DOCK4: variants seen among roughly 807,000 people sequenced by gnomAD.
DOCK4 encodes dedicator of cytokinesis protein 4.
Under a neutral mutation model 268.1 loss-of-function variants are expected in DOCK4, and 97 were observed. The observed-to-expected ratio is 0.36, with a 90% CI of 0.31 to 0.43. The LOEUF is 0.43. DOCK4 is among the 20% of genes least tolerant of loss of function. DOCK4 has a pLI of 1.00. For missense variants in DOCK4, 2,145 were observed against 2,455.7 expected, an observed-to-expected ratio of 0.87 and a Z score of 2.67; for synonymous variants, 954 against 887.2, an observed-to-expected ratio of 1.08 and a Z score of -1.34.
At chr7:111,807,572 T>A (rs577944010) in intron 30 of DOCK4, 2 of 151,960 alleles carry the variant, frequency 1.3e-5, no homozygotes, top group African/African-American at 2.4e-5. Context: ...CCTCCCAGGT[T>A]CAAGTGATTC....
rs139324118 is a variant in DOCK4, at chr7:111,755,939, A to T, written c.4330-338T>A. ...TCTCTTCACTCCTTAACATCTAACC[A>T]CTTATATCCAGAAGGGTCAGCCAGT... is the stretch of plus-strand genomic sequence containing the variant. On this transcript the variant is annotated intron_variant, in intron 41 of 52. Coordinates refer to ENST00000428084, the MANE Select transcript of DOCK4 (RefSeq NM_001363540.2). 2.0e-4 allele frequency among the ~76,000 whole-genome samples: 30 copies of T among 152,282 alleles called. No individual in the cohort carries two copies. The East Asian group carries it at 5.2e-3, about 26-fold the overall frequency.
At chr7:111,763,637 T>C (rs1232102853) in intron 39 of DOCK4, among the ~76,000 whole-genome samples, 1 of 152,146 alleles carries the variant, frequency 6.6e-6, no homozygotes, top group Non-Finnish European at 1.5e-5. Flanking sequence ...TCATGTCTGT[T>C]TGTGCCAACA....
At chr7:111,744,439 T>C (rs979116378) in intron 44 of DOCK4, among the ~76,000 whole-genome samples, 3 of 152,224 alleles carry the variant, frequency 2.0e-5, no homozygotes, top group Non-Finnish European at 4.4e-5. Context: ...GACAGTCACG[T>C]GCACTGCTTG....
Position 112,149,896 on chromosome 7 carries a change from C to T in DOCK4, c.37+56206G>A, listed in dbSNP as rs1023435615. Among the ~76,000 whole-genome samples the T allele has an allele frequency of 6.6e-5, 10 of 152,178 alleles. 1 individual carries two copies. Among genetic ancestry groups the T allele is most frequent in the Admixed American group, 6.5e-4 (10 of 15,270 alleles). The stretch of plus-strand genomic sequence containing the variant: ...GCTTATGGGCCAGGTTCAATTGCCA[C>T]ATGCTTAAAGGATGGAAAGGATGTG... On this transcript the variant is annotated intron_variant, in intron 1 of 52. Coordinates refer to ENST00000428084, the MANE Select transcript of DOCK4 (RefSeq NM_001363540.2).
intron 1 of DOCK4, among the ~76,000 whole-genome samples, chr7:112,059,104 C>A (rs1806120734): frequency 6.9e-6 from 1 of 145,148 alleles, no homozygotes; most frequent in Non-Finnish European, 1.5e-5. Context: ...GTAATAATTT[C>A]ACATTCATAA....
At chr7:112,025,710 T>C (rs376821388) in intron 1 of DOCK4, among the ~76,000 whole-genome samples, 55 of 151,828 alleles carry the variant, frequency 3.6e-4, no homozygotes, top group African/African-American at 1.3e-3. Flanking sequence ...TCACTTGGGG[T>C]CTCTTCTCTC....
intron 51 of DOCK4, 142 bp downstream of exon 51, chr7:111,734,912 A>G (rs539581012): frequency 6.1e-5 from 41 of 672,218 alleles, no homozygotes; most frequent in Non-Finnish European, 1.0e-4. Flanking sequence ...GAGGGAGACA[A>G]TTGTCAAGGA....
chr7:111,875,964 C>T (rs561197954), intron 17 of DOCK4, among the ~76,000 whole-genome samples: 99 of 152,320 alleles, frequency 6.5e-4, no homozygotes, highest in Admixed American at 2.3e-3. Flanking sequence ...ACTACCCACA[C>T]ACACCTAATC....
At chr7:111,911,214 G>T (rs7792335) in intron 13 of DOCK4, among the ~76,000 whole-genome samples, 27,764 of 152,066 alleles carry the variant, frequency 0.18, 2,590 homozygotes, top group Non-Finnish European at 0.22. Flanking sequence ...AATTATGCTT[G>T]CAGACGGTCA....
intron 1 of DOCK4, among the ~76,000 whole-genome samples, chr7:112,101,078 G>C (rs1213538598): frequency 2.0e-5 from 3 of 152,114 alleles, no homozygotes; most frequent in Admixed American, 6.5e-5. Context: ...GGGGTACAGG[G>C]GGGACACATA....
chr7:111,917,921 A>C (rs1792753418), intron 12 of DOCK4, among the ~76,000 whole-genome samples: 1 of 152,178 alleles, frequency 6.6e-6, no homozygotes, highest in East Asian at 1.9e-4. Flanking sequence ...TGATGAAAAA[A>C]ATGCAAAGTT....
chr7:112,020,564 G>A lies in DOCK4; in HGVS notation c.38-16433C>T, dbSNP rs190662488. On this transcript the variant is annotated intron_variant, in intron 1 of 52. Transcript: ENST00000428084. ...ATGTCAATCATGTGTTGTAGTCTCC[G>A]ACTTAAACGATCATACCTTCAGAAA... 6.6e-5 allele frequency among the ~76,000 whole-genome samples: 10 copies of A among 151,658 alleles called. No individual in the cohort carries two copies. The East Asian group carries it at 9.7e-4, about 15-fold the overall frequency.
chr7:112,136,718 T>C (rs768604888), intron 1 of DOCK4, among the ~76,000 whole-genome samples: 8 of 152,120 alleles, frequency 5.3e-5, no homozygotes, highest in Non-Finnish European at 1.0e-4. Flanking sequence ...GCAGGGCTTT[T>C]TGGAAACAGA....
chr7:111,745,587 G>C (rs1796203694), intron 44 of DOCK4, among the ~76,000 whole-genome samples: 1 of 150,066 alleles, frequency 6.7e-6, no homozygotes, highest in African/African-American at 2.5e-5. Context: ...GGGAGGCTGA[G>C]GCAGGAGAAT....
chr7:111,795,804 G>A (rs1247195003), intron 30 of DOCK4, among the ~76,000 whole-genome samples: 1 of 152,166 alleles, frequency 6.6e-6, no homozygotes, highest in Non-Finnish European at 1.5e-5. Context: ...CTGTGCCTAA[G>A]ACCTTCATAA....
chr7:111,991,979 A>G (rs890010966), intron 5 of DOCK4, among the ~76,000 whole-genome samples: 7 of 150,674 alleles, frequency 4.6e-5, no homozygotes, highest in African/African-American at 1.5e-4. Flanking sequence ...AAAAAAAAAA[A>G]AAAAAAAAAG....
At chr7:111,946,539 C>T (rs543435174) in intron 8 of DOCK4, among the ~76,000 whole-genome samples, 1 of 152,264 alleles carries the variant, frequency 6.6e-6, no homozygotes, top group Admixed American at 6.5e-5. Context: ...TGTTGATCAG[C>T]CACTAATTCA....
intron 1 of DOCK4, among the ~76,000 whole-genome samples, chr7:112,078,670 T>C (rs925505849): frequency 1.3e-5 from 2 of 152,132 alleles, no homozygotes; most frequent in Non-Finnish European, 2.9e-5. Context: ...TGTCAATCCC[T>C]TGGACATCTA....
In DOCK4 at chr7:111,907,654, C is replaced by T. The variant is rs181573392; in HGVS notation, c.1193-5853G>A. On this transcript the variant is annotated intron_variant, in intron 13 of 52. Coordinates refer to ENST00000428084, the MANE Select transcript of DOCK4 (RefSeq NM_001363540.2). ...CATCAGGGTTCAGGTCTAAGCTAAGCGGTGTGGGGGTCCAGTGACTAGAGC... is the reference window on the plus strand; with the variant it reads ...CATCAGGGTTCAGGTCTAAGCTAAGTGGTGTGGGGGTCCAGTGACTAGAGC... 1.8e-4 allele frequency among the ~76,000 whole-genome samples: 28 copies of T among 152,190 alleles called. No individual in the cohort carries two copies. In the East Asian group the frequency reaches 4.4e-3, roughly 24 times the overall value.
Sources: allele counts gnomAD v4.1 joint callset (sites outside exome capture counted in the v4.1 genomes callset), GRCh38; gene constraint gnomAD v4.1.1; transcripts MANE v1.5; gene names NCBI Gene and HGNC (gene_info 2026-07-23, HGNC 2026-07-21).